Variants in UBR4 observed in about 807,000 individuals in gnomAD.
UBR4 encodes E3 ubiquitin-protein ligase UBR4.
UBR4 carries 124 observed loss-of-function variants against 575.6 expected under a neutral mutation model. That is an observed-to-expected ratio of 0.22 (90% CI 0.19 to 0.25). The LOEUF (loss-of-function observed/expected upper bound fraction) is 0.25. Among genes scored for constraint, UBR4 ranks in the 10% least tolerant of loss-of-function variants. UBR4 has a pLI of 1.00. For synonymous variants in UBR4, 2,455 were observed against 2,473.7 expected, an observed-to-expected ratio of 0.99 and a Z score of 0.22; for missense variants, 4,818 against 6,478.8, an observed-to-expected ratio of 0.74 and a Z score of 8.80.
Position 19,121,083 on chromosome 1 carries a change from C to T in UBR4, c.10141+106G>A. The T allele has an allele frequency of 4.1e-6, 6 of 1,478,102 alleles. No homozygotes were observed. In the East Asian group the frequency reaches 6.9e-5, roughly 17 times the overall value. 91.6% of individuals were successfully genotyped at this position (1,478,102 alleles called of 1,614,324 possible). On this transcript the variant is annotated intron_variant, in intron 68 of 105. Transcript: ENST00000375254. ...TAGAGAACATTTGGGCTTTAAGTCCCCTCTAAATCAGGATTAAAAGACCTT... is the reference window on the plus strand; with the variant it reads ...TAGAGAACATTTGGGCTTTAAGTCCTCTCTAAATCAGGATTAAAAGACCTT...
chr1:19,103,868 A>G (rs2078913253), intron 87 of UBR4, among the ~76,000 whole-genome samples: 2 of 152,256 alleles, frequency 1.3e-5, no homozygotes, highest in Admixed American at 1.3e-4. Flanking sequence ...CCACTCTATA[A>G]GCTCAACATG....
At chr1:19,145,660 T>C (rs925185057) in intron 53 of UBR4, 133 bp downstream of exon 53, 47 of 1,188,830 alleles carry the variant, frequency 4.0e-5, no homozygotes, top group Non-Finnish European at 5.1e-5. Flanking sequence ...CGCAGACTTC[T>C]ACTTCCCAAT....
In UBR4 at chr1:19,141,743, A is replaced by G. The variant is rs756115914; in HGVS notation, c.8214T>C (p.Asp2738=). The change falls in exon 56 of 106, where the codon GAT becomes GAC. Residue 2738 remains aspartate (D), a synonymous_variant. Transcript: ENST00000375254. ...DKDDDDDDDA[D]EKMQSSGIPN... is the part of the protein sequence containing the mutation. ...GGATCCCTGATGACTGCATTTTCTC[A>G]TCTGCATCATCATCGTCATCATCAT... 5 of 1,614,046 alleles carry G rather than the reference A, an allele frequency of 3.1e-6. No homozygotes were observed. Among genetic ancestry groups the G allele is most frequent in the Non-Finnish European group, 4.2e-6 (5 of 1,179,976 alleles).
chr1:19,106,465 A>C, intron 83 of UBR4, 104 bp downstream of exon 83: 1 of 1,383,564 alleles, frequency 7.2e-7, no homozygotes, highest in Admixed American at 2.6e-5. Flanking sequence ...AGCAAAGAGA[A>C]AGAAGAGATG....
rs555050832 is a variant in UBR4 at position 19,145,508 on chromosome 1, GACACACACACACACAC to G, written c.7945+269_7945+284del. Among the ~76,000 whole-genome samples the G allele has an allele frequency of 1.2e-3, 175 of 145,112 alleles. 5 individuals are homozygous for G. Among genetic ancestry groups the G allele is most frequent in the Admixed American group, 0.012 (167 of 14,464 alleles). ...TTTAAAAACAATTATAAACCACTGA[GACACACACACACACAC>G]ACACACACACACACACACAGTGCCT... On this transcript the variant is annotated intron_variant, in intron 53 of 105. Transcript: ENST00000375254.
chr1:19,146,989 C>G lies in UBR4; in HGVS notation c.7641G>C (p.Leu2547Phe). 1.9e-6 allele frequency: 3 copies of G among 1,604,538 alleles called. No homozygotes were observed. Among genetic ancestry groups the G allele is most frequent in the Non-Finnish European group, 1.7e-6 (2 of 1,173,736 alleles). The change falls in exon 52 of 106, where the codon TTG becomes TTC. Residue 2547 changes from leucine to phenylalanine, a missense_variant. Leu to Phe is a conservative substitution (Grantham distance 22). Transcript: ENST00000375254. ...TGAGACACTGCACAGCTTTGCTCAG[C>G]AAGGCCTGATCCTGTAAAACAACAG... Reference protein sequence around the residue: ...SAYHSHKDQALLSKAVQCLNT... With the variant: ...SAYHSHKDQAFLSKAVQCLNT...
At chr1:19,165,863 C>A in intron 29 of UBR4, 106 bp from the exon 30 acceptor site, 1 of 962,304 alleles carries the variant, frequency 1.0e-6, no homozygotes, top group South Asian at 1.7e-5. Flanking sequence ...ACCTTGAGGG[C>A]AATGTCTAAT....
chr1:19,165,383 T>A (rs2088164275), intron 30 of UBR4, 34 bp from the exon 31 acceptor site: 1 of 1,546,680 alleles, frequency 6.5e-7, no homozygotes, highest in Non-Finnish European at 8.9e-7. Context: ...ATGGAAAGAA[T>A]CACATTAAAG....
chr1:19,088,002 AG>A lies in UBR4; in HGVS notation c.14431-74del. The A allele has an allele frequency of 8.2e-7, 1 of 1,222,506 alleles. No homozygotes were observed. Among genetic ancestry groups the A allele is most frequent in the Non-Finnish European group, 1.2e-6 (1 of 848,576 alleles). The allele number at this position is 1,222,506 out of a possible 1,614,324, so 75.7% of individuals were successfully genotyped here. A position where few individuals can be genotyped will look rare whatever the true frequency, so the allele number is the denominator to read the frequency against. On this transcript the variant is annotated intron_variant, in intron 98 of 105. Transcript: ENST00000375254. This position sits in a 1 kb window ranked among gnomAD's most constrained non-coding sequence, Gnocchi z 4.0. ...CTCCCACCCTAGCTTGGAGATGCTCAGGAACAGGGCTAACCTTCTACCTCCA... is the reference window on the plus strand; with the variant it reads ...CTCCCACCCTAGCTTGGAGATGCTCAGAACAGGGCTAACCTTCTACCTCCA...
intron 11 of UBR4, 128 bp downstream of exon 11, chr1:19,192,060 A>C (rs754133432): frequency 4.4e-5 from 39 of 876,716 alleles, no homozygotes; most frequent in Non-Finnish European, 4.8e-5. Flanking sequence ...TCATTATCTT[A>C]GTTGCTAAAT....
At position 19,112,873 on chromosome 1, in the gene UBR4, A is replaced by G; in HGVS notation, c.11458-6T>C. On this transcript the variant is annotated splice_polypyrimidine_tract_variant and splice_region_variant and intron_variant, in intron 77 of 105. Coordinates refer to ENST00000375254, the MANE Select transcript of UBR4 (RefSeq NM_020765.3). ...TTGCGCGAAGCAAAGACTTTCTAAG[A>G]ACAAAAAGGCAACAATAATGGGAAT... 6.4e-7 allele frequency: 1 copy of G among 1,553,624 alleles called. No individual in the cohort carries two copies. Among genetic ancestry groups the G allele is most frequent in the Non-Finnish European group, 8.7e-7 (1 of 1,147,304 alleles).
At chr1:19,138,986 T>A (rs1365793760) in intron 59 of UBR4, 97 bp downstream of exon 59, 1 of 1,436,586 alleles carries the variant, frequency 7.0e-7, no homozygotes, top group Non-Finnish European at 9.2e-7. Context: ...CTCTATACCT[T>A]TTCTTTGCAA....
rs371208785 is a variant in UBR4, at chr1:19,107,017, C to T, written c.12106-51G>A. 7.6e-4 allele frequency: 1,212 copies of T among 1,600,770 alleles called. 2 individuals are homozygous for T. Among genetic ancestry groups the T allele is most frequent in the Non-Finnish European group, 9.7e-4 (1,143 of 1,173,680 alleles). Reference sequence around the variant, plus strand: ...GAGGGCGCTCAAGGGCACACCTGAGCCATAGCCCCAACAGCATGGCACTGG... The same window carrying T: ...GAGGGCGCTCAAGGGCACACCTGAGTCATAGCCCCAACAGCATGGCACTGG... On this transcript the variant is annotated intron_variant, in intron 81 of 105. Transcript: ENST00000375254.
chr1:19,077,463 G>A (rs1005689582), intron 104 of UBR4, among the ~76,000 whole-genome samples: 1 of 152,236 alleles, frequency 6.6e-6, no homozygotes, highest in Non-Finnish European at 1.5e-5. Flanking sequence ...GCCAGGCACA[G>A]TGGCCCATGC....
At chr1:19,105,217 A>C (rs540055712) in intron 84 of UBR4, 28 bp from the exon 85 acceptor site, 1 of 1,598,636 alleles carries the variant, frequency 6.3e-7, no homozygotes, top group African/African-American at 1.4e-5. Flanking sequence ...AGGGCACTCT[A>C]GTCAAGAACT....
At chr1:19,172,764 C>T (rs142854003) in intron 25 of UBR4, 100 bp downstream of exon 25, 16 of 1,270,380 alleles carry the variant, frequency 1.3e-5, no homozygotes, top group Non-Finnish European at 1.8e-5. Context: ...AAAAAAACCC[C>T]TAAGCTGAAG....
chr1:19,096,981 T>C (rs1342752456), intron 91 of UBR4, among the ~76,000 whole-genome samples: 5 of 136,340 alleles, frequency 3.7e-5, no homozygotes, highest in Non-Finnish European at 6.3e-5. Context: ...CTCTAAAAGT[T>C]TGCTGGTATT....
chr1:19,174,382 C>T lies in UBR4; in HGVS notation c.2919G>A (p.Leu973=). 1 of 1,613,326 alleles carries T rather than the reference C, an allele frequency of 6.2e-7. No individual in the cohort carries two copies. Residue 973 remains leucine (L), a synonymous_variant, in exon 22 of 106, where the codon CTG becomes CTA. Coordinates refer to ENST00000375254, the MANE Select transcript of UBR4 (RefSeq NM_020765.3). ...YDELYAALTA[L]LAAGSQLDTV... is the part of the protein sequence containing the mutation. The stretch of plus-strand genomic sequence containing the variant: ...TATCAAGCTGGGACCCAGCTGCAAG[C>T]AGGGCTGTCAGTGCAGCATAAAGCT...
chr1:19,153,473 C>T lies in UBR4; in HGVS notation c.6660G>A (p.Thr2220=), dbSNP rs775328737. The change falls in exon 46 of 106, where the codon ACG becomes ACA. Residue 2220 remains threonine, a synonymous_variant. Coordinates refer to ENST00000375254, the MANE Select transcript of UBR4 (RefSeq NM_020765.3). The surrounding 1 kb of genome is among the most constrained non-coding windows in gnomAD (Gnocchi z 4.1). ...TTGTCCGCTGCTGCTCATTGCAGGC[C>T]GTGTGCCTAATAGCAACCATGTCTT... ...KIQDMVAIRH[T]ACNEQQRTTM... 60 of 1,613,960 alleles carry T rather than the reference C, an allele frequency of 3.7e-5. No individual in the cohort carries two copies. In the Admixed American group the frequency reaches 6.7e-4, roughly 18 times the overall value.
Sources: gnomAD v4.1 joint callset for allele counts (sites outside exome capture counted in the v4.1 genomes callset) on GRCh38, gnomAD v4.1.1 for gene constraint, Gnocchi (gnomAD v3.1) non-coding constraint, MANE v1.5 for transcripts, NCBI Gene and HGNC (gene_info 2026-07-23, HGNC 2026-07-21) for gene names.